The following MST1R variants were observed in gnomAD, a reference collection of about 807,000 sequenced individuals.
MST1R encodes macrophage-stimulating protein receptor.
A neutral mutation model predicts 117.8 loss-of-function variants in MST1R; 99 were observed. That is an observed-to-expected ratio of 0.84 (90% CI 0.71 to 0.99). The LOEUF (loss-of-function observed/expected upper bound fraction) is 0.99, where lower values mean the gene tolerates loss of function less well. MST1R is among the 50% of genes least tolerant of loss of function. The pLI, the probability that MST1R is intolerant of heterozygous loss-of-function variation, is 0.00. For missense variants in MST1R, 1,683 were observed against 1,840.2 expected, an observed-to-expected ratio of 0.91 and a Z score of 1.56; for synonymous variants, 734 against 765.3, an observed-to-expected ratio of 0.96 and a Z score of 0.68.
intron 1 of MST1R, among the ~76,000 whole-genome samples, chr3:49,901,237 G>T (rs2082665943): frequency 6.6e-6 from 1 of 152,252 alleles, no homozygotes; most frequent in Admixed American, 6.5e-5. Flanking sequence ...CTCACATTGG[G>T]TGTAAGTTCT....
chr3:49,898,641 G>T lies in MST1R; in HGVS notation c.1596C>A (p.Thr532=). ...IQGPGCRHFL[T]CGRCLRAWHF... is the part of the protein sequence containing the mutation. ...GCCATGCCCTTAGGCAACGCCCACA[G>T]GTCAGGAAGTGGCGGCAGCCAGGGC... The change falls in exon 4 of 20, where the codon ACC becomes ACA. Residue 532 remains threonine (T), a synonymous_variant. Transcript: ENST00000296474. 6.2e-7 allele frequency: 1 copy of T among 1,614,204 alleles called. No individual in the cohort carries two copies. The highest frequency in any genetic ancestry group is 1.3e-5 in the African/African-American group (1 of 75,070).
chr3:49,897,861 G>A, intron 5 of MST1R, 176 bp from the exon 6 acceptor site: 1 of 1,130,614 alleles, frequency 8.8e-7, no homozygotes, highest in Non-Finnish European at 1.2e-6. Context: ...GTCCATGAGT[G>A]AACAGACAGG....
intron 5 of MST1R, 21 bp downstream of exon 5, chr3:49,898,030 A>AGGG (rs770921811): frequency 6.3e-5 from 102 of 1,613,764 alleles, no homozygotes; most frequent in Middle Eastern, 1.6e-4. Context: ...AGGGAAAGGG[A>AGGG]GGGGAGGGAC....
rs2082488020 is a variant in MST1R at position 49,896,795 on chromosome 3, C to T, written c.2279G>A (p.Gly760Asp). ...TTCTCTGTACTGGAAGGTCCAGGAA[C>T]CAGGTACCTGGGCACCCCCCACCTG... ...SLQVGGAQVP[G>D]SWTFQYREDP... is the part of the protein sequence containing the mutation. Residue 760 changes from glycine to aspartate, a missense_variant, in exon 8 of 20, where the codon GGT becomes GAT. Coordinates refer to ENST00000296474, the MANE Select transcript of MST1R (RefSeq NM_002447.4). The T allele has an allele frequency of 6.4e-7, 1 of 1,565,166 alleles. No individual in the cohort carries two copies. Among genetic ancestry groups the T allele is most frequent in the Non-Finnish European group, 8.7e-7 (1 of 1,153,714 alleles).
Position 49,896,544 on chromosome 3 carries a change from C to T in MST1R, c.2435G>A (p.Ser812Asn), listed in dbSNP as rs763606008. The change falls in exon 9 of 20, where the codon AGC becomes AAC. Residue 812 changes from serine to asparagine, a missense_variant. Ser to Asn is a conservative substitution (Grantham distance 46). Coordinates refer to ENST00000296474, the MANE Select transcript of MST1R (RefSeq NM_002447.4). Reference sequence around the variant, plus strand: ...TCCTGGCCAGCACTCACTCACCCTGCTTTCCACTGCCCTAAGCCCGTCATG... The same window carrying T: ...TCCTGGCCAGCACTCACTCACCCTGTTTTCCACTGCCCTAAGCCCGTCATG... ...SFHDGLRAVE[S>N]RCERQLPEQQ... The T allele has an allele frequency of 1.5e-5, 25 of 1,614,066 alleles. No individual in the cohort carries two copies. Among genetic ancestry groups the T allele is most frequent in the South Asian group, 4.4e-5 (4 of 91,074 alleles).
In MST1R at chr3:49,897,288, C is replaced by A; in HGVS notation, c.2175G>T (p.Leu725=). The A allele has an allele frequency of 6.2e-7, 1 of 1,607,302 alleles. No homozygotes were observed. Residue 725 remains leucine (L), a synonymous_variant, in exon 7 of 20, where the codon CTG becomes CTT. Transcript: ENST00000296474. The part of the protein sequence containing the change: ...RAVLVNGTEC[L]LARVSEGQLL... Reference sequence around the variant, plus strand: ...TGCCTGGTGGTACTTACCGTGCTAGCAGACACTCAGTCCCATTGACCAGCA... The same window carrying A: ...TGCCTGGTGGTACTTACCGTGCTAGAAGACACTCAGTCCCATTGACCAGCA...
chr3:49,888,251 A>G (rs1276647621), intron 19 of MST1R, among the ~76,000 whole-genome samples: 1 of 152,126 alleles, frequency 6.6e-6, no homozygotes, highest in Non-Finnish European at 1.5e-5. Context: ...CCTGGCTAAC[A>G]CAGTGAAACC....
intron 9 of MST1R, 61 bp downstream of exon 9, chr3:49,896,479 G>T (rs909269807): frequency 5.6e-6 from 9 of 1,609,688 alleles, no homozygotes; most frequent in Non-Finnish European, 7.6e-6. Context: ...CCAGCACGAG[G>T]TTGGGCTGCA....
chr3:49,899,186 C>T lies in MST1R; in HGVS notation c.1308G>A (p.Val436=). 1 of 1,614,178 alleles carries T rather than the reference C, an allele frequency of 6.2e-7. No homozygotes were observed. Among genetic ancestry groups the T allele is most frequent in the Non-Finnish European group, 8.5e-7 (1 of 1,180,032 alleles). Residue 436 remains valine (V), a synonymous_variant, in exon 2 of 20, where the codon GTG becomes GTA. Coordinates refer to ENST00000296474, the MANE Select transcript of MST1R (RefSeq NM_002447.4). ...GTCCCAACAGCCCATTGAATAGGTC[C>T]ACACGTGAGAAGCTGCTACTGACCA... ...PLLVSSSFSR[V]DLFNGLLGPV...
Position 49,903,669 on chromosome 3 carries a change from C to T in MST1R, c.-60G>A. On this transcript the variant is annotated 5_prime_UTR_variant, in exon 1 of 20. Transcript: ENST00000296474. ...GCCTGGGCCTGGACCTGGGCGTGGGCCTGGCTGGGGGCCCGACTCGAGGTC... is the reference window on the plus strand; with the variant it reads ...GCCTGGGCCTGGACCTGGGCGTGGGTCTGGCTGGGGGCCCGACTCGAGGTC... 6.6e-7 allele frequency: 1 copy of T among 1,510,770 alleles called. No individual in the cohort carries two copies. The highest frequency in any genetic ancestry group is 8.8e-7 in the Non-Finnish European group (1 of 1,139,132). 93.6% of individuals were successfully genotyped at this position (1,510,770 alleles called of 1,614,324 possible). A position where few individuals can be genotyped will look rare whatever the true frequency, so the allele number is the denominator to read the frequency against.
At chr3:49,887,681 T>G (rs2082203503) in intron 19 of MST1R, 119 bp from the exon 20 acceptor site, 1 of 1,005,666 alleles carries the variant, frequency 9.9e-7, no homozygotes, top group Non-Finnish European at 1.5e-6. Flanking sequence ...CAGGACCTAG[T>G]ACCTAGCACT....
chr3:49,901,956 G>A (rs1306088256), intron 1 of MST1R, among the ~76,000 whole-genome samples: 1 of 144,944 alleles, frequency 6.9e-6, no homozygotes, highest in Non-Finnish European at 1.5e-5. Context: ...GGTGGGGGAG[G>A]GGAGGGGGGA....
At chr3:49,887,600 C>T in intron 19 of MST1R, 38 bp from the exon 20 acceptor site, 1 of 1,603,658 alleles carries the variant, frequency 6.2e-7, no homozygotes, top group Non-Finnish European at 8.5e-7. Flanking sequence ...AGGCAATTTC[C>T]ACCCAAGGAT....
chr3:49,895,732 CA>C lies in MST1R; in HGVS notation c.2944del (p.Trp982GlyfsTer6). On this transcript the variant is annotated frameshift_variant, in exon 12 of 20. Coordinates refer to ENST00000296474, the MANE Select transcript of MST1R (RefSeq NM_002447.4). LOFTEE classifies it high-confidence loss of function. ...LATALVFSYW[W>X]RRKQLVLPPN... ...GAACTCACCTAGCTGCTTCCTCCGC[CA>C]CCAGTAGCTGAAGACCAGTGCAGTC... 6.2e-7 allele frequency: 1 copy of C among 1,612,746 alleles called. No individual in the cohort carries two copies. Among genetic ancestry groups the C allele is most frequent in the Non-Finnish European group, 8.5e-7 (1 of 1,179,992 alleles).
chr3:49,891,531 G>A lies in MST1R; in HGVS notation c.3402C>T (p.Leu1134=). The change falls in exon 16 of 20, where the codon CTC becomes CTT. Residue 1134 remains leucine, a synonymous_variant. Coordinates refer to ENST00000296474, the MANE Select transcript of MST1R (RefSeq NM_002447.4). ...QVEAFLREGL[L]MRGLNHPNVL... is the part of the protein sequence containing the mutation. ...CATTCGGGTGGTTCAGGCCACGCAT[G>A]AGCAGCCCCTCTCGCAGGAAGGCCT... 1 of 1,613,992 alleles carries A rather than the reference G, an allele frequency of 6.2e-7. No individual in the cohort carries two copies. The highest frequency in any genetic ancestry group is 2.2e-5 in the East Asian group (1 of 44,890).
intron 14 of MST1R, among the ~76,000 whole-genome samples, chr3:49,894,215 C>CA (rs1312283174): frequency 2.8e-5 from 4 of 143,284 alleles, no homozygotes; most frequent in East Asian, 4.1e-4. Context: ...AATTCTGTCT[C>CA]AAAAAAAATA....
chr3:49,892,181 G>T (rs921601334), intron 14 of MST1R, among the ~76,000 whole-genome samples: 2 of 151,582 alleles, frequency 1.3e-5, no homozygotes, highest in East Asian at 2.0e-4. Context: ...GGCCAGGCTG[G>T]TCTCAAACTC....
Position 49,903,867 on chromosome 3 carries a change from G to A in MST1R, c.-258C>T. Reference sequence around the variant, plus strand: ...CTCACCTGCCGCCCCAGCCGCCGCTGTACACTGGCGCTTAGCGCTCAGCCG... The same window carrying A: ...CTCACCTGCCGCCCCAGCCGCCGCTATACACTGGCGCTTAGCGCTCAGCCG... On this transcript the variant is annotated 5_prime_UTR_variant, in exon 1 of 20. Transcript: ENST00000296474. 1 of 496,400 alleles carries A rather than the reference G, an allele frequency of 2.0e-6. No homozygotes were observed. The highest frequency in any genetic ancestry group is 3.5e-6 in the Non-Finnish European group (1 of 286,708). 30.7% of individuals were successfully genotyped at this position (496,400 alleles called of 1,614,324 possible). A position where few individuals can be genotyped will look rare whatever the true frequency, so the allele number is the denominator to read the frequency against.
chr3:49,898,703 C>T lies in MST1R; in HGVS notation c.1549-15G>A, dbSNP rs1268161509. On this transcript the variant is annotated splice_polypyrimidine_tract_variant and intron_variant, in intron 3 of 19. Coordinates refer to ENST00000296474, the MANE Select transcript of MST1R (RefSeq NM_002447.4). Reference sequence around the variant, plus strand: ...ACCTGGAAAACCTGTGGGTGAAAGACAGGTGACTCAGGGGTGCCTGGAGGG... The same window carrying T: ...ACCTGGAAAACCTGTGGGTGAAAGATAGGTGACTCAGGGGTGCCTGGAGGG... 1.2e-6 allele frequency: 2 copies of T among 1,613,314 alleles called. No homozygotes were observed. Among genetic ancestry groups the T allele is most frequent in the South Asian group, 1.1e-5 (1 of 90,992 alleles).
Sources: gnomAD v4.1 joint callset for allele counts (sites outside exome capture counted in the v4.1 genomes callset) on GRCh38, gnomAD v4.1.1 for gene constraint, MANE v1.5 for transcripts, NCBI Gene and HGNC (gene_info 2026-07-23, HGNC 2026-07-21) for gene names.